Variants in CTDSPL2 observed in about 807,000 individuals in gnomAD.
CTDSPL2 encodes CTD small phosphatase-like protein 2.
Under a neutral mutation model 60.0 loss-of-function variants are expected in CTDSPL2, and 5 were observed. That is an observed-to-expected ratio of 0.08 (90% CI 0.04 to 0.18). CTDSPL2 has a LOEUF of 0.18. Ranked by LOEUF, CTDSPL2 falls within the 10% of genes least tolerant of loss-of-function variation. The pLI is 1.00. For synonymous variants in CTDSPL2, 186 were observed against 189.3 expected (o/e 0.98, Z 0.14); for missense variants, 370 against 548.8 (o/e 0.67, Z 3.26).
chr15:44,436,485 A>G (rs2079984559), intron 1 of CTDSPL2, among the ~76,000 whole-genome samples: 2 of 152,182 alleles, frequency 1.3e-5, no homozygotes, highest in Admixed American at 1.3e-4. Flanking sequence ...TTTTTTAGGT[A>G]AAATTTACAT....
intron 10 of CTDSPL2, among the ~76,000 whole-genome samples, chr15:44,518,488 G>T (rs2081699038): frequency 6.6e-6 from 1 of 152,018 alleles, no homozygotes; most frequent in Non-Finnish European, 1.5e-5. Context: ...TTTTTCAAAT[G>T]ATCATACACA....
At chr15:44,447,190 G>A (rs1284108937) in intron 1 of CTDSPL2, among the ~76,000 whole-genome samples, 1 of 152,134 alleles carries the variant, frequency 6.6e-6, no homozygotes, top group Non-Finnish European at 1.5e-5. Context: ...TGGTTGAGAA[G>A]GTTAAGTGAA....
chr15:44,511,272 T>C (rs879409184), intron 8 of CTDSPL2, among the ~76,000 whole-genome samples: 2 of 152,246 alleles, frequency 1.3e-5, no homozygotes, highest in Admixed American at 1.3e-4. Flanking sequence ...CAAACACATT[T>C]TGAAAGCAAT....
At chr15:44,482,202 A>C (rs943131421) in intron 2 of CTDSPL2, among the ~76,000 whole-genome samples, 3 of 152,132 alleles carry the variant, frequency 2.0e-5, no homozygotes, top group African/African-American at 7.2e-5. Flanking sequence ...GCTGGGGTGC[A>C]GTGGTGCAAT....
chr15:44,467,243 A>G (rs535850882), intron 2 of CTDSPL2, among the ~76,000 whole-genome samples: 18 of 152,172 alleles, frequency 1.2e-4, no homozygotes, highest in South Asian at 6.2e-4. Context: ...TTTTATGCAT[A>G]TATAATTATG....
intron 1 of CTDSPL2, among the ~76,000 whole-genome samples, chr15:44,429,515 G>T (rs1436111695): frequency 2.0e-5 from 3 of 152,164 alleles, no homozygotes; most frequent in Non-Finnish European, 2.9e-5. Context: ...CTCCTAAATT[G>T]TTTAGTACTA....
At chr15:44,512,004 T>C (rs1433991660) in intron 8 of CTDSPL2, among the ~76,000 whole-genome samples, 1 of 149,540 alleles carries the variant, frequency 6.7e-6, no homozygotes, top group Non-Finnish European at 1.5e-5. Flanking sequence ...TTGGGCAACA[T>C]AGTGAGATAG....
intron 8 of CTDSPL2, among the ~76,000 whole-genome samples, chr15:44,511,867 CA>C (rs68063380): frequency 0.09 from 2,743 of 30,616 alleles, 116 homozygotes; most frequent in African/African-American, 0.2. Context: ...GACGGTCTCG[CA>C]AAAAAAAAAA....
In CTDSPL2 at chr15:44,486,542, C is replaced by CT; in HGVS notation, c.326-3dup. On this transcript the variant is annotated splice_polypyrimidine_tract_variant and intron_variant, in intron 3 of 12. Coordinates refer to ENST00000260327, the MANE Select transcript of CTDSPL2 (RefSeq NM_016396.3). ...CTAGATCATGACTTTTTTCTTGTTT[C>CT]TTTTTTAGAAGCTGGTAGTTATGAA... The CT allele has an allele frequency of 6.6e-7, 1 of 1,519,600 alleles. No individual in the cohort carries two copies. The highest frequency in any genetic ancestry group is 8.8e-7 in the Non-Finnish European group (1 of 1,135,556). 94.1% of individuals were successfully genotyped at this position (1,519,600 alleles called of 1,614,324 possible).
chr15:44,468,201 G>C (rs2080734921), intron 2 of CTDSPL2, among the ~76,000 whole-genome samples: 1 of 151,942 alleles, frequency 6.6e-6, no homozygotes, highest in Non-Finnish European at 1.5e-5. Flanking sequence ...TTTTCTTTGT[G>C]GGGTATCTTT....
intron 2 of CTDSPL2, among the ~76,000 whole-genome samples, chr15:44,480,371 T>C (rs1384107808): frequency 6.6e-6 from 1 of 152,212 alleles, no homozygotes; most frequent in Non-Finnish European, 1.5e-5. Flanking sequence ...CTGGTATATA[T>C]GGACATTTAG....
chr15:44,453,952 A>G lies in CTDSPL2; in HGVS notation c.-24-5039A>G, dbSNP rs1014424881. ...TTGGGTATTTACCCAGTAATGGGATAGCTGGGTCAAATGGTATTTCTAGTT... is the reference window on the plus strand; with the variant it reads ...TTGGGTATTTACCCAGTAATGGGATGGCTGGGTCAAATGGTATTTCTAGTT... On this transcript the variant is annotated intron_variant, in intron 1 of 12. Transcript: ENST00000260327. Among the ~76,000 whole-genome samples, 45 of 152,300 alleles carry G rather than the reference A, an allele frequency of 3.0e-4. 1 individual carries two copies. The highest frequency in any genetic ancestry group is 2.6e-3 in the Admixed American group (39 of 15,292).
intron 1 of CTDSPL2, chr15:44,448,159 A>T (rs1229805270): frequency 3.9e-6 from 1 of 256,484 alleles, no homozygotes; most frequent in African/African-American, 2.2e-5. Context: ...CATGTGCTCA[A>T]TGGTTTGGTC....
At position 44,445,585 on chromosome 15, in the gene CTDSPL2, A is replaced by G. The variant is rs1358524481; in HGVS notation, c.-24-13406A>G. ...ACTCTGTATTTGTAACATTGTTTCT[A>G]TCAGAAGTTTAATTTTGAGCTCATA... On this transcript the variant is annotated intron_variant, in intron 1 of 12. Transcript: ENST00000260327. 2.6e-5 allele frequency among the ~76,000 whole-genome samples: 4 copies of G among 151,746 alleles called. No homozygotes were observed. The East Asian group carries it at 7.7e-4, about 29-fold the overall frequency.
At chr15:44,437,808 G>A (rs1175025335) in intron 1 of CTDSPL2, among the ~76,000 whole-genome samples, 1 of 152,142 alleles carries the variant, frequency 6.6e-6, no homozygotes, top group Non-Finnish European at 1.5e-5. Flanking sequence ...TAATCACAGG[G>A]TTTACACAGG....
chr15:44,459,354 C>T (rs375929400), intron 2 of CTDSPL2, among the ~76,000 whole-genome samples, 154 bp downstream of exon 2: 82 of 152,168 alleles, frequency 5.4e-4, no homozygotes, highest in African/African-American at 1.8e-3. Context: ...GGTGAAACCC[C>T]GTCTCTACTA....
At chr15:44,447,449 G>A (rs2080241003) in intron 1 of CTDSPL2, 1 of 152,118 alleles carries the variant, frequency 6.6e-6, no homozygotes, top group Non-Finnish European at 1.5e-5. Context: ...TCCTTAAAAA[G>A]TAAAAAAGTA....
At chr15:44,494,675 C>T (rs1354605365) in intron 5 of CTDSPL2, among the ~76,000 whole-genome samples, 1 of 151,830 alleles carries the variant, frequency 6.6e-6, no homozygotes, top group Non-Finnish European at 1.5e-5. Context: ...TTTGCGAGGC[C>T]GGGTCACCTG....
chr15:44,459,654 G>A (rs2080522750), intron 2 of CTDSPL2, among the ~76,000 whole-genome samples: 1 of 152,170 alleles, frequency 6.6e-6, no homozygotes, highest in Non-Finnish European at 1.5e-5. Flanking sequence ...ATATTTAATG[G>A]CAGTTTAAGA....
Sources: gnomAD v4.1 joint callset for allele counts (sites outside exome capture counted in the v4.1 genomes callset) on GRCh38, gnomAD v4.1.1 for gene constraint, MANE v1.5 for transcripts, NCBI Gene and HGNC (gene_info 2026-07-23, HGNC 2026-07-21) for gene names.